Variants in PGBD2 observed in about 807,000 individuals in gnomAD.
The protein encoded by PGBD2 is piggyBac transposable element derived 2, also known as piggyBac transposable element-derived protein 2.
PGBD2 carries 6 observed loss-of-function variants against 8.1 expected under a neutral mutation model. The ratio of observed to expected loss-of-function variants is 0.74; its 90% CI spans 0.40 to 1.46. The LOEUF (loss-of-function observed/expected upper bound fraction) is 1.46. Ranked by LOEUF, PGBD2 falls within the 40% of genes most tolerant of loss-of-function variation. The pLI is 0.02. For missense variants in PGBD2, 802 were observed against 739.0 expected, an observed-to-expected ratio of 1.09 and a Z score of -0.99; for synonymous variants, 318 against 272.2, an observed-to-expected ratio of 1.17 and a Z score of -1.66.
chr1:248,905,943 G>T (rs1447271106), upstream of PGBD2, among the ~76,000 whole-genome samples: 1 of 152,154 alleles, frequency 6.6e-6, no homozygotes, highest in Admixed American at 6.5e-5. Context: ...CTGTTAGATT[G>T]GGGGCACATT....
At chr1:248,893,644 C>A in the PGBD2 span, among the ~76,000 whole-genome samples, 2 of 152,162 alleles carry the variant, frequency 1.3e-5, no homozygotes, top group Non-Finnish European at 2.9e-5. Context: ...TCTCAATGGA[C>A]ATTTATTTGG....
chr1:248,897,355 T>C, the PGBD2 span, among the ~76,000 whole-genome samples: 1 of 151,548 alleles, frequency 6.6e-6, no homozygotes, highest in Non-Finnish European at 1.5e-5. Context: ...GTAGGGTGGA[T>C]GCGTCAGGTT....
chr1:248,874,313 C>G, the PGBD2 span, among the ~76,000 whole-genome samples: 5 of 152,136 alleles, frequency 3.3e-5, no homozygotes, highest in East Asian at 5.8e-4. Flanking sequence ...GATTCCCGGT[C>G]AGGAAAGTAA....
At position 248,917,915 on chromosome 1, in the gene PGBD2, G is replaced by A. The variant is rs138323244; in HGVS notation, c.1331G>A (p.Arg444Gln). Reference sequence around the variant, plus strand: ...CGTCACTCTGGAGCAGCTAAAACGCGGACTCAGGTCCACCAGCCATCACTG... The same window carrying A: ...CGTCACTCTGGAGCAGCTAAAACGCAGACTCAGGTCCACCAGCCATCACTG... Reference protein sequence around the residue: ...TSRHSGAAKTRTQVHQPSLVK... With the variant: ...TSRHSGAAKTQTQVHQPSLVK... Residue 444 changes from arginine (R) to glutamine (Q), a missense_variant, in exon 3 of 3, where the codon CGG becomes CAG. By Grantham distance (43) the Arg-to-Gln change is conservative (BLOSUM62 1). Transcript: ENST00000329291. 20 of 1,614,214 alleles carry A rather than the reference G, an allele frequency of 1.2e-5. No homozygotes were observed. The highest frequency in any genetic ancestry group is 1.1e-4 in the East Asian group (5 of 44,890).
chr1:248,918,279 C>A lies in PGBD2; in HGVS notation c.1695C>A (p.Leu565=). The A allele has an allele frequency of 5.6e-6, 9 of 1,607,760 alleles. No homozygotes were observed. Among genetic ancestry groups the A allele is most frequent in the Non-Finnish European group, 6.8e-6 (8 of 1,176,636 alleles). Residue 565 remains leucine, a synonymous_variant, in exon 3 of 3, where the codon CTC becomes CTA. Coordinates refer to ENST00000329291, the MANE Select transcript of PGBD2 (RefSeq NM_170725.3). The part of the protein sequence containing the change: ...IHQDKRTRCA[L]CHSQTNTRCE... Reference sequence around the variant, plus strand: ...AGGACAAGAGGACCCGGTGTGCCCTCTGCCACTCACAGACCAACACCCGGT... The same window carrying A: ...AGGACAAGAGGACCCGGTGTGCCCTATGCCACTCACAGACCAACACCCGGT...
chr1:248,898,673 A>C, the PGBD2 span, among the ~76,000 whole-genome samples: 3 of 152,236 alleles, frequency 2.0e-5, no homozygotes, highest in Non-Finnish European at 1.5e-5. Context: ...TACACAGACC[A>C]ACAACACTAT....
intron 2 of PGBD2, chr1:248,914,455 T>A: frequency 7.8e-7 from 1 of 1,284,242 alleles, no homozygotes; most frequent in South Asian, 1.2e-5. Context: ...GATGAGTGAA[T>A]ACCTCACCTC....
At chr1:248,910,095 A>G (rs958922567) in intron 1 of PGBD2, among the ~76,000 whole-genome samples, 1 of 152,240 alleles carries the variant, frequency 6.6e-6, no homozygotes, top group Non-Finnish European at 1.5e-5. Context: ...TGGTAACACA[A>G]GTCAGGCTTC....
At chr1:248,915,297 G>T (rs1662056909) in intron 2 of PGBD2, among the ~76,000 whole-genome samples, 1 of 152,220 alleles carries the variant, frequency 6.6e-6, no homozygotes, top group South Asian at 2.1e-4. Flanking sequence ...CTCCCACTTA[G>T]CGTGGTTCAA....
At chr1:248,894,633 A>C in the PGBD2 span, among the ~76,000 whole-genome samples, 1 of 152,052 alleles carries the variant, frequency 6.6e-6, no homozygotes, top group Non-Finnish European at 1.5e-5. Flanking sequence ...GTCAAAACTC[A>C]CTGTAATGAA....
chr1:248,903,896 C>G (rs976101242), upstream of PGBD2, among the ~76,000 whole-genome samples: 16 of 152,162 alleles, frequency 1.1e-4, no homozygotes, highest in Admixed American at 7.9e-4. Context: ...TTAATTGCTG[C>G]TATGTACTAA....
the PGBD2 span, among the ~76,000 whole-genome samples, chr1:248,894,405 C>T: frequency 2.2e-4 from 34 of 151,994 alleles, no homozygotes; most frequent in South Asian, 2.1e-3. Context: ...ATATAACTTA[C>T]GTTTTAGTGG....
the PGBD2 span, among the ~76,000 whole-genome samples, chr1:248,927,243 A>G: frequency 6.6e-6 from 1 of 152,160 alleles, no homozygotes; most frequent in Non-Finnish European, 1.5e-5. Flanking sequence ...TGAGAGGCAG[A>G]GGGAGAGCAT....
At chr1:248,908,935 C>T (rs1444569124) in intron 1 of PGBD2, among the ~76,000 whole-genome samples, 5 of 152,112 alleles carry the variant, frequency 3.3e-5, no homozygotes, top group Non-Finnish European at 7.4e-5. Context: ...ATTCTCTGAC[C>T]TCCCTGACTA....
In PGBD2 at chr1:248,918,540, A is replaced by G; in HGVS notation, c.*177A>G. ...TTTTATTGTGTTGTGTTATGCCTAC[A>G]TGTGATATAAATTAATATTTATATT... is the stretch of plus-strand genomic sequence containing the variant. On this transcript the variant is annotated 3_prime_UTR_variant, in exon 3 of 3. Transcript: ENST00000329291. The G allele has an allele frequency of 4.9e-6, 2 of 406,076 alleles. No homozygotes were observed. The highest frequency in any genetic ancestry group is 1.2e-4 in the South Asian group (1 of 8,444). The allele number at this position is 406,076 out of a possible 1,614,324, so 25.2% of individuals were successfully genotyped here. A position where few individuals can be genotyped will look rare whatever the true frequency, so the allele number is the denominator to read the frequency against.
At chr1:248,892,550 G>A in the PGBD2 span, among the ~76,000 whole-genome samples, 2 of 152,054 alleles carry the variant, frequency 1.3e-5, no homozygotes, top group East Asian at 1.9e-4. Context: ...GAGTTAAGCT[G>A]TAATCTAAGA....
chr1:248,876,847 G>T, the PGBD2 span, among the ~76,000 whole-genome samples: 1 of 151,962 alleles, frequency 6.6e-6, no homozygotes, highest in African/African-American at 2.4e-5. Context: ...TTCATATTTG[G>T]GTTTTCTAGT....
At position 248,918,966 on chromosome 1, in the gene PGBD2, ATAG is replaced by A. The variant is rs1168822050; in HGVS notation, c.*607_*609del. ...ATTATTTTTTTAATTTTGTGGGTAC[ATAG>A]TAGGAGTGTATTTTTATGGGTTACA... On this transcript the variant is annotated 3_prime_UTR_variant, in exon 3 of 3. Coordinates refer to ENST00000329291, the MANE Select transcript of PGBD2 (RefSeq NM_170725.3). 9 of 167,000 alleles carry A rather than the reference ATAG, an allele frequency of 5.4e-5. No homozygotes were observed. Among genetic ancestry groups the A allele is most frequent in the African/African-American group, 2.2e-4 (9 of 41,420 alleles). The allele number at this position is 167,000 out of a possible 1,614,324, so 10.3% of individuals were successfully genotyped here. A position where few individuals can be genotyped will look rare whatever the true frequency, so the allele number is the denominator to read the frequency against.
At chr1:248,891,971 C>T in the PGBD2 span, among the ~76,000 whole-genome samples, 1 of 152,138 alleles carries the variant, frequency 6.6e-6, no homozygotes, top group African/African-American at 2.4e-5. Flanking sequence ...GTTGATTCAG[C>T]AGAAAAAAAG....
Sources: gnomAD v4.1 joint callset for allele counts (sites outside exome capture counted in the v4.1 genomes callset) on GRCh38, gnomAD v4.1.1 for gene constraint, MANE v1.5 for transcripts, NCBI Gene and HGNC (gene_info 2026-07-23, HGNC 2026-07-21) for gene names.